The following ITGB2 variants were observed in gnomAD, a reference collection of about 807,000 sequenced individuals.
ITGB2 encodes the protein integrin beta-2.
A neutral mutation model predicts 86.8 loss-of-function variants in ITGB2; 56 were observed. The ratio of observed to expected loss-of-function variants is 0.65; its 90% CI spans 0.52 to 0.81. The LOEUF (loss-of-function observed/expected upper bound fraction) is 0.81. ITGB2 is among the 30% of genes least tolerant of loss of function. The pLI is 0.00. For synonymous variants in ITGB2, 457 were observed against 450.4 expected, an observed-to-expected ratio of 1.01 and a Z score of -0.19; for missense variants, 948 against 1,061.2, an observed-to-expected ratio of 0.89 and a Z score of 1.48.
In ITGB2 at chr21:44,910,623, A is replaced by C. The variant is rs1350843561; in HGVS notation, c.58+102T>G. 4.1e-6 allele frequency: 6 copies of C among 1,464,984 alleles called. No individual in the cohort carries two copies. In the Admixed American group the frequency reaches 9.7e-5, roughly 24 times the overall value. 90.7% of individuals were successfully genotyped at this position (1,464,984 alleles called of 1,614,324 possible). ...ACCCCCAGTGGCAAGGTCCTTCCCC[A>C]GCCTCCCGGGAACTTCTGTCTATGG... On this transcript the variant is annotated intron_variant, in intron 2 of 15. Transcript: ENST00000652462.
intron 1 of ITGB2, among the ~76,000 whole-genome samples, chr21:44,916,894 G>T (rs543496840): frequency 6.6e-6 from 1 of 151,864 alleles, no homozygotes; most frequent in Admixed American, 6.6e-5. Flanking sequence ...AAAGCTAAGG[G>T]GGAAAATAGC....
intron 8 of ITGB2, among the ~76,000 whole-genome samples, chr21:44,896,747 C>T (rs530986948): frequency 6.6e-6 from 1 of 152,330 alleles, no homozygotes; most frequent in South Asian, 2.1e-4. Flanking sequence ...GCACGTGTGT[C>T]CACACTCGCT....
chr21:44,925,422 G>A (rs8128129), upstream of ITGB2, among the ~76,000 whole-genome samples: 7,230 of 54,390 alleles, frequency 0.13, 535 homozygotes, highest in African/African-American at 0.32. Context: ...GAGGGAGGGA[G>A]GGAAGGAAGG....
chr21:44,922,658 G>GAAAAAAAAAAAAAAAAAAAAAAAAAAAAA (rs10532717), upstream of ITGB2, among the ~76,000 whole-genome samples: 1 of 114,706 alleles, frequency 8.7e-6, no homozygotes. Context: ...GGGTAACTGA[G>GAAAAAAAAAAAAAAAAAAAAAAAAAAAAA]AAAAAAAAAA....
chr21:44,896,872 C>G (rs1406007412), intron 8 of ITGB2, among the ~76,000 whole-genome samples: 1 of 152,250 alleles, frequency 6.6e-6, no homozygotes, highest in Non-Finnish European at 1.5e-5. Context: ...GTGCCTGGCC[C>G]TGGTGCCACA....
At chr21:44,902,523 ACATTCACGTGTGTGAGCATG>A (rs2083977388) in intron 5 of ITGB2, among the ~76,000 whole-genome samples, 1 of 149,668 alleles carries the variant, frequency 6.7e-6, no homozygotes, top group East Asian at 2.0e-4. Flanking sequence ...GTGTGAGCAT[ACATTCACGTGTGTGAGCATG>A]CATTCACGTG....
At chr21:44,923,831 C>A (rs559204758), upstream of ITGB2, among the ~76,000 whole-genome samples, 1 of 152,216 alleles carries the variant, frequency 6.6e-6, no homozygotes, top group South Asian at 2.1e-4. Context: ...AAGAAAGGCT[C>A]TCTATCAGAT....
At chr21:44,897,846 C>T (rs2083892045) in intron 8 of ITGB2, among the ~76,000 whole-genome samples, 1 of 152,222 alleles carries the variant, frequency 6.6e-6, no homozygotes, top group Non-Finnish European at 1.5e-5. Flanking sequence ...GGCCTCAGGG[C>T]CACACACTGT....
intron 8 of ITGB2, among the ~76,000 whole-genome samples, chr21:44,896,077 G>A (rs544064154): frequency 2.0e-4 from 31 of 152,100 alleles, no homozygotes; most frequent in Non-Finnish European, 2.9e-4. Context: ...CCCGCCTGCA[G>A]TGTGAGTGAT....
At chr21:44,891,715 G>T in intron 11 of ITGB2, 94 bp downstream of exon 11, 1 of 1,403,870 alleles carries the variant, frequency 7.1e-7, no homozygotes, top group South Asian at 1.2e-5. Context: ...GGTGGGGGAA[G>T]GGATGGAGCC....
chr21:44,922,158 T>C (rs946901748), upstream of ITGB2, among the ~76,000 whole-genome samples: 1 of 152,100 alleles, frequency 6.6e-6, no homozygotes. Context: ...ATTTAAAAAA[T>C]AGTGGTAAGA....
intron 12 of ITGB2, 148 bp downstream of exon 12, chr21:44,889,830 T>C (rs1235407920): frequency 8.3e-7 from 1 of 1,209,008 alleles, no homozygotes. Context: ...AAGTTCCTGC[T>C]GACGCCCGGT....
intron 5 of ITGB2, 141 bp from the exon 6 acceptor site, chr21:44,901,874 G>T: frequency 1.1e-6 from 1 of 926,734 alleles, no homozygotes; most frequent in Non-Finnish European, 1.6e-6. Flanking sequence ...TGTGGAGTGT[G>T]TGTGTGAGCA....
intron 13 of ITGB2, 23 bp from the exon 14 acceptor site, chr21:44,888,918 A>T: frequency 6.3e-7 from 1 of 1,598,686 alleles, no homozygotes; most frequent in Non-Finnish European, 8.5e-7. Context: ...AGGTGTGAGC[A>T]TCGGTGCCAG....
At chr21:44,898,997 G>A in intron 8 of ITGB2, 70 bp downstream of exon 8, 1 of 1,235,340 alleles carries the variant, frequency 8.1e-7, no homozygotes, top group Non-Finnish European at 1.2e-6. Flanking sequence ...GACCTGCAGT[G>A]GCGCTGGGTC....
chr21:44,914,459 C>T (rs542242625), intron 1 of ITGB2, among the ~76,000 whole-genome samples: 5 of 152,316 alleles, frequency 3.3e-5, no homozygotes, highest in East Asian at 3.9e-4. Flanking sequence ...CCTTCCCTCC[C>T]GGGCACCAAA....
intron 13 of ITGB2, 66 bp downstream of exon 13, chr21:44,889,210 G>A (rs577066690): frequency 6.0e-5 from 91 of 1,519,420 alleles, no homozygotes; most frequent in South Asian, 5.5e-4. Flanking sequence ...GAGTGAGCCC[G>A]GCTGCTGGGT....
In ITGB2 at chr21:44,890,181, G is replaced by A; in HGVS notation, c.1454C>T (p.Thr485Ile). 6.2e-7 allele frequency: 1 copy of A among 1,613,276 alleles called. No individual in the cohort carries two copies. The highest frequency in any genetic ancestry group is 8.5e-7 in the Non-Finnish European group (1 of 1,180,016). The change falls in exon 12 of 16, where the codon ACA (threonine) becomes ATA (isoleucine). Residue 485 changes from threonine (T) to isoleucine (I), a missense_variant. Transcript: ENST00000652462. ...GYIGKNCECQ[T>I]QGRSSQELEG... is the part of the protein sequence containing the mutation. ...CAGCTCCTGGCTGCTCCGGCCCTGTGTCTGGCACTCACAGTTTTTCCCAAT... is the reference window on the plus strand; with the variant it reads ...CAGCTCCTGGCTGCTCCGGCCCTGTATCTGGCACTCACAGTTTTTCCCAAT...
chr21:44,925,107 G>A (rs529471624), upstream of ITGB2, among the ~76,000 whole-genome samples: 4 of 151,700 alleles, frequency 2.6e-5, no homozygotes, highest in East Asian at 7.7e-4. Flanking sequence ...TGCTCTCCAT[G>A]CTGTTCTGTA....
Sources: allele counts gnomAD v4.1 joint callset (sites outside exome capture counted in the v4.1 genomes callset), GRCh38; gene constraint gnomAD v4.1.1; transcripts MANE v1.5; gene names NCBI Gene and HGNC (gene_info 2026-07-23, HGNC 2026-07-21).